LRP2: variants seen among roughly 807,000 people sequenced by gnomAD.
The protein encoded by LRP2 is LDL receptor related protein 2, also known as low-density lipoprotein receptor-related protein 2.
A neutral mutation model predicts 531.0 loss-of-function variants in LRP2; 172 were observed. The ratio of observed to expected loss-of-function variants is 0.32; its 90% CI spans 0.29 to 0.37. The LOEUF (loss-of-function observed/expected upper bound fraction) is 0.37, where lower values mean the gene tolerates loss of function less well. Ranked by LOEUF, LRP2 falls within the 10% of genes least tolerant of loss-of-function variation. The pLI is 1.00. For synonymous variants in LRP2, 1,992 were observed against 2,027.6 expected (o/e 0.98, Z 0.47); for missense variants, 5,167 against 5,868.3 (o/e 0.88, Z 3.90).
At position 169,337,075 on chromosome 2, in the gene LRP2, CCTT is replaced by C. The variant is rs375885219; in HGVS notation, c.80-16194_80-16192del. On this transcript the variant is annotated intron_variant, in intron 1 of 78. Transcript: ENST00000649046. The stretch of plus-strand genomic sequence containing the variant: ...CCCCACCGCTGTCTAAAAATCCTCT[CCTT>C]CTCTCTCCCTCAGATCCCCATGACA... Among the ~76,000 whole-genome samples the C allele has an allele frequency of 2.8e-4, 43 of 152,306 alleles. No individual in the cohort carries two copies. In the East Asian group the frequency reaches 6.9e-3, roughly 25 times the overall value.
chr2:169,149,127 A>G (rs984416801), intron 68 of LRP2, among the ~76,000 whole-genome samples: 3 of 152,252 alleles, frequency 2.0e-5, no homozygotes, highest in Non-Finnish European at 2.9e-5. Context: ...TTACCCATCT[A>G]TGTAAATAAG....
At chr2:169,225,490 G>A (rs1364247186) in intron 32 of LRP2, 37 bp from the exon 33 acceptor site, 1 of 1,612,892 alleles carries the variant, frequency 6.2e-7, no homozygotes, top group Non-Finnish European at 8.5e-7. Context: ...GCAGTTCCAA[G>A]GCCATGGCTC....
chr2:169,190,206 G>T (rs1386770784), intron 48 of LRP2, among the ~76,000 whole-genome samples: 1 of 151,464 alleles, frequency 6.6e-6, no homozygotes, highest in Non-Finnish European at 1.5e-5. Context: ...ATCCACTTTA[G>T]GTGCAAAAAA....
chr2:169,281,546 C>T (rs1447927048), intron 10 of LRP2, among the ~76,000 whole-genome samples: 2 of 151,886 alleles, frequency 1.3e-5, no homozygotes, highest in Non-Finnish European at 2.9e-5. Flanking sequence ...TGATGAAACC[C>T]CGTCTCTACT....
At chr2:169,203,082 T>TTC (rs1309625883) in intron 42 of LRP2, 123 bp from the exon 43 acceptor site, 89 of 780,090 alleles carry the variant, frequency 1.1e-4, no homozygotes, top group Non-Finnish European at 1.9e-4. Flanking sequence ...GCCATGGAAG[T>TTC]TCTGCCCATT....
chr2:169,228,311 T>TAAAAAAA, intron 31 of LRP2, among the ~76,000 whole-genome samples: 1 of 133,172 alleles, frequency 7.5e-6, no homozygotes, highest in Non-Finnish European at 1.6e-5. Context: ...ACTGCAACAG[T>TAAAAAAA]AAAAAAAAAA....
chr2:169,300,726 G>A (rs1261961163), intron 4 of LRP2, among the ~76,000 whole-genome samples: 2 of 152,046 alleles, frequency 1.3e-5, no homozygotes, highest in Admixed American at 1.3e-4. Context: ...TGCTAAAAAG[G>A]TACATCTGTG....
rs1271622615 is a variant in LRP2, at chr2:169,244,796, G to T, written c.3327C>A (p.Cys1109Ter). 1 of 1,614,238 alleles carries T rather than the reference G, an allele frequency of 6.2e-7. No homozygotes were observed. Among genetic ancestry groups the T allele is most frequent in the Non-Finnish European group, 8.5e-7 (1 of 1,180,044 alleles). ...TATCACAGGTGTATTGGGTGTCAAG[G>T]CAGGAAGCAGGTGCGTGGGTGGGGC... ...HNCPTHAPAS[C>*]LDTQYTCDNH... Residue 1109 changes from cysteine (C) to a stop codon, truncating the protein, a stop_gained, in exon 22 of 79, where the codon TGC becomes TGA. Coordinates refer to ENST00000649046, the MANE Select transcript of LRP2 (RefSeq NM_004525.3). LOFTEE classifies it high-confidence loss of function.
chr2:169,137,647 T>A (rs1278955716), intron 75 of LRP2, among the ~76,000 whole-genome samples, 154 bp from the exon 76 acceptor site: 2 of 88,880 alleles, frequency 2.3e-5, no homozygotes, highest in Admixed American at 1.3e-4. Flanking sequence ...AAAGAGAACT[T>A]GCAAAAAAAA....
intron 3 of LRP2, among the ~76,000 whole-genome samples, chr2:169,315,959 C>CCA (rs1553513420): frequency 1.4e-5 from 1 of 73,746 alleles, no homozygotes; most frequent in South Asian, 5.3e-4. Context: ...CCCATCTCTA[C>CCA]AAAAAAAAAA....
rs1433936201 is a variant in LRP2, at chr2:169,185,936, G to A, written c.9412C>T (p.Arg3138Cys). The change falls in exon 50 of 79, where the codon CGT becomes TGT. Residue 3138 changes from arginine to cysteine, a missense_variant. Coordinates refer to ENST00000649046, the MANE Select transcript of LRP2 (RefSeq NM_004525.3). ...TCAGACATGAGCTTGTAACCAGGAC[G>A]ACAGGAACAATAGAAACTGGTTAAG... ...DTLTSFYCSCRPGYKLMSDKR... is the reference protein window; with the variant it reads ...DTLTSFYCSCCPGYKLMSDKR... 3.1e-6 allele frequency: 5 copies of A among 1,613,730 alleles called. No individual in the cohort carries two copies. The highest frequency in any genetic ancestry group is 2.2e-5 in the East Asian group (1 of 44,868).
At chr2:169,303,319 C>T (rs141783838) in intron 4 of LRP2, among the ~76,000 whole-genome samples, 2 of 152,284 alleles carry the variant, frequency 1.3e-5, no homozygotes, top group African/African-American at 2.4e-5. Flanking sequence ...AGAGCACAGG[C>T]ATATGGTTTA....
chr2:169,201,806 G>T lies in LRP2; in HGVS notation c.8274C>A (p.Tyr2758Ter). 1 of 1,614,202 alleles carries T rather than the reference G, an allele frequency of 6.2e-7. No individual in the cohort carries two copies. The highest frequency in any genetic ancestry group is 8.5e-7 in the Non-Finnish European group (1 of 1,180,038). The change falls in exon 44 of 79, where the codon TAC (tyrosine) becomes TAA (stop). Residue 2758 changes from tyrosine (Y) to a stop codon, truncating the protein, a stop_gained. Coordinates refer to ENST00000649046, the MANE Select transcript of LRP2 (RefSeq NM_004525.3). LOFTEE classifies it high-confidence loss of function. ...CACAGTCATTGTAGTAATCACAGCG[G>T]TAAGAGTATTGGACACATCGCCCAT... ...CANGRCVQYS[Y>*]RCDYYNDCGD...
At position 169,237,250 on chromosome 2, in the gene LRP2, G is replaced by A. The variant is rs370313238; in HGVS notation, c.4544C>T (p.Ala1515Val). The change falls in exon 28 of 79, where the codon GCA becomes GTA. Residue 1515 changes from alanine to valine, a missense_variant. By Grantham distance (64) the Ala-to-Val change is moderately conservative. Around this residue, in one of 6 missense-constraint regions of LRP2, gnomAD observed 2,811 missense variants for 3,058.0 expected, o/e 0.92. Coordinates refer to ENST00000649046, the MANE Select transcript of LRP2 (RefSeq NM_004525.3). ...DSSIILTETI[A>V]IDWVGRNLYW... ...AAGATTACGACCTACCCAATCTATT[G>A]CAATAGTTTCAGTCAAGATGATGCT... The A allele has an allele frequency of 4.6e-5, 74 of 1,613,706 alleles. No homozygotes were observed. Among genetic ancestry groups the A allele is most frequent in the Non-Finnish European group, 6.2e-5 (73 of 1,179,850 alleles).
rs564119448 is a variant in LRP2 at position 169,233,676 on chromosome 2, G to A, written c.4921-88C>T. 152 of 1,182,624 alleles carry A rather than the reference G, an allele frequency of 1.3e-4. No individual in the cohort carries two copies. In the African/African-American group the frequency reaches 1.4e-3, roughly 11 times the overall value. The allele number at this position is 1,182,624 out of a possible 1,614,324, so 73.3% of individuals were successfully genotyped here. A position where few individuals can be genotyped will look rare whatever the true frequency, so the allele number is the denominator to read the frequency against. On this transcript the variant is annotated intron_variant, in intron 29 of 78. Coordinates refer to ENST00000649046, the MANE Select transcript of LRP2 (RefSeq NM_004525.3). ...AAAGAGGATATCTGCTCAAGAAGAC[G>A]GTTTCCTTTAACATGTCATTATTTA...
At chr2:169,348,929 A>G (rs902648792) in intron 1 of LRP2, among the ~76,000 whole-genome samples, 1 of 152,146 alleles carries the variant, frequency 6.6e-6, no homozygotes, top group Non-Finnish European at 1.5e-5. Flanking sequence ...CTGGGCCTCC[A>G]GGGGCCTCGA....
At chr2:169,205,239 T>C (rs1688335156) in intron 41 of LRP2, among the ~76,000 whole-genome samples, 1 of 152,192 alleles carries the variant, frequency 6.6e-6, no homozygotes, top group Admixed American at 6.5e-5. Flanking sequence ...TATAGATATA[T>C]TTAGCAATGC....
At chr2:169,336,976 G>C (rs2105549398) in intron 1 of LRP2, among the ~76,000 whole-genome samples, 1 of 152,278 alleles carries the variant, frequency 6.6e-6, no homozygotes, top group East Asian at 1.9e-4. Flanking sequence ...AAACTTAAAA[G>C]GCTGTTCTGA....
chr2:169,231,015 C>A (rs747191210), intron 31 of LRP2, among the ~76,000 whole-genome samples: 14 of 152,100 alleles, frequency 9.2e-5, no homozygotes, highest in Non-Finnish European at 1.9e-4. Flanking sequence ...ACAATGGAGC[C>A]AGGTGCAGTG....
Sources: allele counts gnomAD v4.1 joint callset (sites outside exome capture counted in the v4.1 genomes callset), GRCh38; gene constraint gnomAD v4.1.1; regional missense constraint gnomAD v4.1.1; transcripts MANE v1.5; gene names NCBI Gene and HGNC (gene_info 2026-07-23, HGNC 2026-07-21).